STXBP5L: variants seen among roughly 807,000 people sequenced by gnomAD.
The protein encoded by STXBP5L is syntaxin binding protein 5L, also known as syntaxin-binding protein 5-like.
STXBP5L carries 65 observed loss-of-function variants against 144.5 expected under a neutral mutation model. The observed-to-expected ratio is 0.45, with a 90% CI of 0.37 to 0.55. The LOEUF (loss-of-function observed/expected upper bound fraction) is 0.55. STXBP5L is among the 20% of genes least tolerant of loss of function. The pLI is 0.00. For missense variants in STXBP5L, 1,298 were observed against 1,405.5 expected, an observed-to-expected ratio of 0.92 and a Z score of 1.22; for synonymous variants, 505 against 469.6, an observed-to-expected ratio of 1.08 and a Z score of -0.97.
chr3:121,281,524 T>A (rs2051058515), intron 19 of STXBP5L, among the ~76,000 whole-genome samples: 1 of 151,896 alleles, frequency 6.6e-6, no homozygotes, highest in South Asian at 2.1e-4. Flanking sequence ...AATAACCATA[T>A]TTCAGGTGTT....
At chr3:121,280,080 A>T in intron 19 of STXBP5L, 124 bp downstream of exon 19, 1 of 1,173,190 alleles carries the variant, frequency 8.5e-7, no homozygotes, top group Non-Finnish European at 1.2e-6. Flanking sequence ...AACATAATTT[A>T]CAAAATCATG....
At position 121,422,457 on chromosome 3, in the gene STXBP5L, C is replaced by G. The variant is rs780198283; in HGVS notation, c.*3360C>G. On this transcript the variant is annotated 3_prime_UTR_variant, in exon 27 of 27. Transcript: ENST00000471454. ...TTTTCATTTATTCATCTGTGAGAAG[C>G]TAGAGGTATTTGTTTCCCTGATAAT... The G allele has an allele frequency of 1.3e-5, 2 of 152,068 alleles. No homozygotes were observed. Among genetic ancestry groups the G allele is most frequent in the Non-Finnish European group, 2.9e-5 (2 of 68,016 alleles). 9.4% of individuals were successfully genotyped at this position (152,068 alleles called of 1,614,324 possible). A position where few individuals can be genotyped will look rare whatever the true frequency, so the allele number is the denominator to read the frequency against.
At chr3:121,056,599 A>T (rs1481393682) in intron 5 of STXBP5L, among the ~76,000 whole-genome samples, 1 of 152,110 alleles carries the variant, frequency 6.6e-6, no homozygotes, top group Non-Finnish European at 1.5e-5. Flanking sequence ...ACTGGCTTTG[A>T]TTCTTTTCAA....
At chr3:120,978,885 G>C (rs1029985059) in intron 3 of STXBP5L, among the ~76,000 whole-genome samples, 3 of 152,310 alleles carry the variant, frequency 2.0e-5, no homozygotes, top group Middle Eastern at 3.4e-3. Context: ...GAATGCTGCT[G>C]TCTGATCGTT....
chr3:121,250,202 C>T (rs1470217844), intron 14 of STXBP5L, among the ~76,000 whole-genome samples: 1 of 151,874 alleles, frequency 6.6e-6, no homozygotes, highest in Non-Finnish European at 1.5e-5. Context: ...ATGCTGAGTT[C>T]ATCAAAAGTG....
At chr3:121,033,528 A>G (rs1156709474) in intron 3 of STXBP5L, among the ~76,000 whole-genome samples, 1 of 146,892 alleles carries the variant, frequency 6.8e-6, no homozygotes, top group Admixed American at 6.8e-5. Context: ...ATATGTAACT[A>G]ACCTGCACAA....
intron 20 of STXBP5L, chr3:121,324,684 T>A: frequency 1.8e-6 from 1 of 569,708 alleles, no homozygotes; most frequent in Middle Eastern, 2.7e-4. Context: ...TCTCATTTGT[T>A]GTGGTGGAAA....
intron 9 of STXBP5L, among the ~76,000 whole-genome samples, chr3:121,171,609 A>T (rs746667060): frequency 5.3e-5 from 8 of 152,208 alleles, no homozygotes; most frequent in Admixed American, 3.3e-4. Context: ...ACTGCTACAA[A>T]GAGAATAAAA....
chr3:121,379,565 T>A (rs2046276647), intron 21 of STXBP5L, among the ~76,000 whole-genome samples: 1 of 152,196 alleles, frequency 6.6e-6, no homozygotes, highest in Non-Finnish European at 1.5e-5. Flanking sequence ...AAGTCTCTAT[T>A]TACTACTCCT....
At chr3:121,007,254 T>C (rs184486745) in intron 3 of STXBP5L, among the ~76,000 whole-genome samples, 4 of 152,092 alleles carry the variant, frequency 2.6e-5, no homozygotes, top group Admixed American at 2.6e-4. Flanking sequence ...TTATGATACA[T>C]TATCTATCTT....
intron 22 of STXBP5L, among the ~76,000 whole-genome samples, chr3:121,401,281 T>C (rs966216425): frequency 6.6e-6 from 1 of 152,142 alleles, no homozygotes. Flanking sequence ...TTTCCTAACC[T>C]CTAGGAGCAT....
chr3:121,356,330 G>T (rs955643520), intron 20 of STXBP5L, among the ~76,000 whole-genome samples: 1 of 152,254 alleles, frequency 6.6e-6, no homozygotes, highest in African/African-American at 2.4e-5. Context: ...GCCTTGCTAA[G>T]CTGTGGTGGG....
intron 19 of STXBP5L, 46 bp from the exon 20 acceptor site, chr3:121,318,429 A>G (rs768822720): frequency 1.4e-6 from 2 of 1,476,756 alleles, no homozygotes; most frequent in Non-Finnish European, 1.8e-6. Flanking sequence ...AATAACCTAC[A>G]AAATGCTAGC....
intron 3 of STXBP5L, among the ~76,000 whole-genome samples, chr3:120,999,463 T>C (rs1943600059): frequency 6.6e-6 from 1 of 152,234 alleles, no homozygotes. Context: ...CCTATGTGTG[T>C]CATTACACGT....
chr3:120,930,256 A>T (rs986267405), intron 2 of STXBP5L, among the ~76,000 whole-genome samples: 1 of 151,570 alleles, frequency 6.6e-6, no homozygotes, highest in Non-Finnish European at 1.5e-5. Context: ...AAGCTAATAC[A>T]AAGTCTTATC....
At chr3:121,113,950 G>C (rs1256409273) in intron 5 of STXBP5L, among the ~76,000 whole-genome samples, 3 of 151,960 alleles carry the variant, frequency 2.0e-5, no homozygotes, top group African/African-American at 7.2e-5. Context: ...TGGATTACAG[G>C]CATGAGCCAC....
chr3:121,099,345 C>T (rs1202998551), intron 5 of STXBP5L: 1 of 152,128 alleles, frequency 6.6e-6, no homozygotes, highest in Non-Finnish European at 1.5e-5. Flanking sequence ...AGCACCTGGG[C>T]TCAGTAAGAT....
chr3:121,144,296 G>A (rs1393614436), intron 7 of STXBP5L, among the ~76,000 whole-genome samples: 2 of 151,784 alleles, frequency 1.3e-5, no homozygotes. Context: ...GGTGTTATCA[G>A]CTTAAAACAG....
intron 5 of STXBP5L, among the ~76,000 whole-genome samples, chr3:121,075,078 A>G (rs2107673612): frequency 1.3e-5 from 2 of 152,220 alleles, no homozygotes; most frequent in Middle Eastern, 6.8e-3. Context: ...AGTGGAACCC[A>G]GTCTGTCTCA....
Sources: allele counts gnomAD v4.1 joint callset (sites outside exome capture counted in the v4.1 genomes callset), GRCh38; gene constraint gnomAD v4.1.1; transcripts MANE v1.5; gene names NCBI Gene and HGNC (gene_info 2026-07-23, HGNC 2026-07-21).